The following SLIT3 variants were observed in gnomAD, a reference collection of about 807,000 sequenced individuals.
The protein encoded by SLIT3 is slit homolog 3 protein.
In SLIT3, 68 loss-of-function variants were observed where a neutral mutation model predicts 184.0. The observed-to-expected ratio is 0.37, with a 90% confidence interval of 0.30 to 0.45. The LOEUF is 0.45. Among genes scored for constraint, SLIT3 ranks in the 20% least tolerant of loss-of-function variants. The pLI is 1.00. For synonymous variants in SLIT3, 831 were observed against 828.6 expected (o/e 1.00, Z -0.05); for missense variants, 1,707 against 2,026.0 (o/e 0.84, Z 3.02).
chr5:169,258,958 A>T (rs1471533367), intron 1 of SLIT3, among the ~76,000 whole-genome samples: 1 of 152,204 alleles, frequency 6.6e-6, no homozygotes, highest in African/African-American at 2.4e-5. Context: ...CTCCTTAGCT[A>T]TGTGGCTTTG....
intron 17 of SLIT3, 99 bp downstream of exon 17, chr5:168,753,765 C>T: frequency 1.4e-6 from 2 of 1,391,674 alleles, no homozygotes; most frequent in South Asian, 1.3e-5. Flanking sequence ...CAGGCCAAGA[C>T]AGTGCCTGGG....
chr5:169,219,281 T>C (rs575901317), intron 3 of SLIT3, among the ~76,000 whole-genome samples: 1 of 152,336 alleles, frequency 6.6e-6, no homozygotes, highest in South Asian at 2.1e-4. Flanking sequence ...CAGCAGCAAC[T>C]CCTAACCTTC....
chr5:168,853,834 A>T (rs2113732981), intron 5 of SLIT3, among the ~76,000 whole-genome samples: 1 of 152,150 alleles, frequency 6.6e-6, no homozygotes, highest in South Asian at 2.1e-4. Context: ...TTCCACGTTC[A>T]CTTATGCTTG....
intron 4 of SLIT3, among the ~76,000 whole-genome samples, chr5:169,129,764 C>T (rs1427960390): frequency 6.6e-6 from 1 of 152,052 alleles, no homozygotes; most frequent in Non-Finnish European, 1.5e-5. Flanking sequence ...CCAGTGACAC[C>T]AAAATATAGT....
intron 4 of SLIT3, among the ~76,000 whole-genome samples, chr5:169,002,752 C>A (rs1055848674): frequency 4.4e-4 from 67 of 152,036 alleles, no homozygotes; most frequent in African/African-American, 1.5e-3. Context: ...CTTTAGCAGT[C>A]TCTTCTCACT....
rs773517757 is a variant in SLIT3, at chr5:168,806,558, C to T, written c.823G>A (p.Ala275Thr). 1 of 1,614,154 alleles carries T rather than the reference C, an allele frequency of 6.2e-7. No homozygotes were observed. The highest frequency in any genetic ancestry group is 8.5e-7 in the Non-Finnish European group (1 of 1,180,022). The change falls in exon 9 of 36, where the codon GCC (alanine) becomes ACC (threonine). Residue 275 changes from alanine to threonine, a missense_variant. By Grantham distance (58) the Ala-to-Thr change is moderately conservative (BLOSUM62 0). Transcript: ENST00000519560. ...APHSEPPSCN[A>T]NSISCPSPCT... ...GGCGAAGGGCAGGAGATGGAGTTGG[C>T]ATTGCAGGATGGGGGCTCCGAGTGG...
intron 23 of SLIT3, among the ~76,000 whole-genome samples, chr5:168,716,676 C>T (rs1288614606): frequency 4.6e-5 from 7 of 152,278 alleles, no homozygotes; most frequent in Admixed American, 2.6e-4. Context: ...GAGCGGTCAG[C>T]GCCTGTCCCC....
chr5:169,204,860 G>T (rs1365115811), intron 3 of SLIT3, among the ~76,000 whole-genome samples: 1 of 152,234 alleles, frequency 6.6e-6, no homozygotes, highest in Admixed American at 6.5e-5. Context: ...TTGCCGGGCG[G>T]CAGCCAATGC....
At chr5:168,751,547 C>G (rs1754711751) in intron 18 of SLIT3, among the ~76,000 whole-genome samples, 1 of 152,132 alleles carries the variant, frequency 6.6e-6, no homozygotes, top group Admixed American at 6.5e-5. Flanking sequence ...GGTCACACAG[C>G]TAACAAGAGG....
chr5:169,117,550 T>C (rs1031788452), intron 4 of SLIT3, among the ~76,000 whole-genome samples: 1 of 152,198 alleles, frequency 6.6e-6, no homozygotes, highest in Non-Finnish European at 1.5e-5. Flanking sequence ...TTGGACACGA[T>C]GGCAGAGCCA....
At chr5:169,098,810 A>G (rs1178821438) in intron 4 of SLIT3, among the ~76,000 whole-genome samples, 1 of 152,058 alleles carries the variant, frequency 6.6e-6, no homozygotes, top group Non-Finnish European at 1.5e-5. Flanking sequence ...CATTTTTCCA[A>G]CCTCTTTGTA....
chr5:169,198,953 T>TAC (rs58669966), intron 3 of SLIT3, among the ~76,000 whole-genome samples: 35,709 of 141,956 alleles, frequency 0.25, 4,761 homozygotes, highest in Non-Finnish European at 0.32. Flanking sequence ...AAACAAACTA[T>TAC]ACACACACAC....
chr5:168,894,537 T>C (rs768124045), intron 4 of SLIT3, among the ~76,000 whole-genome samples: 26 of 152,184 alleles, frequency 1.7e-4, no homozygotes, highest in Non-Finnish European at 2.6e-4. Context: ...CCTGGTGGCA[T>C]ACCATGCTTG....
In SLIT3 at chr5:168,685,714, G is replaced by A; in HGVS notation, c.3528C>T (p.Val1176=). 6.4e-7 allele frequency: 1 copy of A among 1,573,354 alleles called. No individual in the cohort carries two copies. ...DSYVELASAK[V]RPQANISLQV... ...GCAGGGAGATGTTGGCCTGGGGTCGGACCTTGGCGGAGGCCAGTTCCACGT... is the reference window on the plus strand; with the variant it reads ...GCAGGGAGATGTTGGCCTGGGGTCGAACCTTGGCGGAGGCCAGTTCCACGT... Residue 1176 remains valine, a synonymous_variant, in exon 31 of 36, where the codon GTC becomes GTT. Transcript: ENST00000519560.
intron 20 of SLIT3, among the ~76,000 whole-genome samples, chr5:168,745,453 C>T (rs1313115970): frequency 2.0e-5 from 3 of 151,956 alleles, no homozygotes; most frequent in Admixed American, 6.5e-5. Context: ...ACTTTATTGC[C>T]CAAGCTGGAG....
intron 4 of SLIT3, among the ~76,000 whole-genome samples, chr5:168,943,728 T>C (rs1281858202): frequency 6.6e-6 from 1 of 152,168 alleles, no homozygotes; most frequent in Non-Finnish European, 1.5e-5. Flanking sequence ...ATATACACAG[T>C]TTATGAATAA....
intron 4 of SLIT3, among the ~76,000 whole-genome samples, chr5:169,192,852 T>C (rs1350595083): frequency 6.6e-6 from 1 of 152,184 alleles, no homozygotes; most frequent in Non-Finnish European, 1.5e-5. Context: ...CACCCTCACC[T>C]GCAACTCCAG....
intron 23 of SLIT3, among the ~76,000 whole-genome samples, chr5:168,721,037 A>C (rs1427899912): frequency 6.6e-6 from 1 of 152,182 alleles, no homozygotes; most frequent in African/African-American, 2.4e-5. Context: ...TAAAATGGGC[A>C]GAACTGTCTT....
chr5:168,848,177 C>T (rs956533148), intron 5 of SLIT3, among the ~76,000 whole-genome samples: 8 of 152,324 alleles, frequency 5.3e-5, no homozygotes, highest in Admixed American at 3.3e-4. Flanking sequence ...CAGAATGAGT[C>T]CTTCTAGGAA....
Sources: gnomAD v4.1 joint callset for allele counts (sites outside exome capture counted in the v4.1 genomes callset) on GRCh38, gnomAD v4.1.1 for gene constraint, MANE v1.5 for transcripts, NCBI Gene and HGNC (gene_info 2026-07-23, HGNC 2026-07-21) for gene names.